The following PATJ variants were observed in gnomAD, a reference collection of about 807,000 sequenced individuals.
PATJ encodes the protein inaD-like protein.
PATJ carries 190 observed loss-of-function variants against 224.9 expected under a neutral mutation model. That is an observed-to-expected ratio of 0.84 (90% CI 0.75 to 0.95). The LOEUF (loss-of-function observed/expected upper bound fraction) is 0.95, where lower values mean the gene tolerates loss of function less well. PATJ is among the 40% of genes least tolerant of loss of function. PATJ has a pLI of 0.00. For missense variants in PATJ, 2,121 were observed against 2,270.3 expected, an observed-to-expected ratio of 0.93 and a Z score of 1.34; for synonymous variants, 769 against 820.3, an observed-to-expected ratio of 0.94 and a Z score of 1.07.
chr1:61,871,425 A>G (rs1396499641), intron 20 of PATJ, among the ~76,000 whole-genome samples: 4 of 46,918 alleles, frequency 8.5e-5, no homozygotes, highest in South Asian at 1.7e-3. Flanking sequence ...ATATATATGT[A>G]CATATATATG....
In PATJ at chr1:61,861,579, T is replaced by C. The variant is rs1221358520; in HGVS notation, c.2351T>C (p.Ile784Thr). Residue 784 changes from isoleucine (I) to threonine (T), a missense_variant, in exon 19 of 44, where the codon ATT becomes ACT. Physicochemically the swap from Ile to Thr is moderately conservative, Grantham distance 89. Coordinates refer to ENST00000642238, the MANE Select transcript of PATJ (RefSeq NM_001350145.3). ...VEDNEEESCYILHSSSNEDKT... is the reference protein window; with the variant it reads ...VEDNEEESCYTLHSSSNEDKT... ...GATAATGAAGAAGAAAGTTGTTATA[T>C]TTTACATTCAAGCAGTAATGAAGAC... 1.4e-6 allele frequency: 2 copies of C among 1,446,908 alleles called. No homozygotes were observed. Among genetic ancestry groups the C allele is most frequent in the Middle Eastern group, 1.7e-4 (1 of 5,722 alleles). The allele number at this position is 1,446,908 out of a possible 1,614,324, so 89.6% of individuals were successfully genotyped here.
chr1:62,061,113 T>G (rs190868699), intron 31 of PATJ, among the ~76,000 whole-genome samples: 1 of 152,216 alleles, frequency 6.6e-6, no homozygotes, highest in East Asian at 1.9e-4. Context: ...GTAGGTAGTT[T>G]TTCAGCCTTC....
chr1:62,046,553 C>T (rs566530789), intron 30 of PATJ, among the ~76,000 whole-genome samples: 1 of 152,104 alleles, frequency 6.6e-6, no homozygotes, highest in Non-Finnish European at 1.5e-5. Context: ...TAAAACAGAC[C>T]TAGGGTGAAA....
In PATJ at chr1:62,153,573, A is replaced by C. The variant is rs901698095; in HGVS notation, c.5502+92A>C. On this transcript the variant is annotated intron_variant, in intron 43 of 43. Transcript: ENST00000642238. ...TTTGCTTTGCTTTACTTTGGGTCAAACCTGGATGTGTGCATGTATGCTCAT... is the reference window on the plus strand; with the variant it reads ...TTTGCTTTGCTTTACTTTGGGTCAACCCTGGATGTGTGCATGTATGCTCAT... 4.8e-5 allele frequency: 36 copies of C among 752,408 alleles called. No individual in the cohort carries two copies. The African/African-American group carries it at 6.0e-4, about 13-fold the overall frequency. 46.6% of individuals were successfully genotyped at this position (752,408 alleles called of 1,614,324 possible).
chr1:62,011,050 G>C (rs906117631), intron 28 of PATJ, among the ~76,000 whole-genome samples: 1 of 152,220 alleles, frequency 6.6e-6, no homozygotes, highest in Non-Finnish European at 1.5e-5. Context: ...CTTTGGATTA[G>C]GCTTTTGCTT....
chr1:62,156,313 T>C (rs1388340678), intron 43 of PATJ, among the ~76,000 whole-genome samples: 3 of 151,830 alleles, frequency 2.0e-5, no homozygotes, highest in African/African-American at 7.3e-5. Flanking sequence ...GCTGATCACT[T>C]GAGGTCAGGA....
chr1:62,033,685 G>A (rs1334359564), intron 29 of PATJ, among the ~76,000 whole-genome samples: 4 of 152,100 alleles, frequency 2.6e-5, no homozygotes, highest in African/African-American at 9.7e-5. Context: ...CCTTACATGA[G>A]GTAAATACTG....
intron 14 of PATJ, among the ~76,000 whole-genome samples, chr1:61,819,839 C>T (rs57477650): frequency 0.012 from 1,853 of 152,226 alleles, 40 homozygotes; most frequent in African/African-American, 0.042. Context: ...CCAAACCAAG[C>T]ACTTCATGTG....
intron 27 of PATJ, among the ~76,000 whole-genome samples, chr1:61,984,286 G>A (rs995645044): frequency 2.0e-5 from 3 of 151,012 alleles, no homozygotes; most frequent in African/African-American, 7.3e-5. Context: ...TTAGCCTCCC[G>A]ATTAGCTGGG....
At chr1:61,753,140 A>AC (rs1645424747) in intron 1 of PATJ, among the ~76,000 whole-genome samples, 1 of 152,210 alleles carries the variant, frequency 6.6e-6, no homozygotes, top group African/African-American at 2.4e-5. Flanking sequence ...CAATTTTTGA[A>AC]AAACTTCAGA....
At position 61,801,604 on chromosome 1, in the gene PATJ, T is replaced by A. The variant is rs899697556; in HGVS notation, c.1403-19T>A. The A allele has an allele frequency of 1.4e-6, 2 of 1,438,888 alleles. No individual in the cohort carries two copies. Among genetic ancestry groups the A allele is most frequent in the African/African-American group, 1.4e-5 (1 of 69,406 alleles). The allele number at this position is 1,438,888 out of a possible 1,614,324, so 89.1% of individuals were successfully genotyped here. A position where few individuals can be genotyped will look rare whatever the true frequency, so the allele number is the denominator to read the frequency against. ...TTAGCATTAACAAAATTTTAAAAAA[T>A]TATTTTTTTTTGTTTTAGGAACTGT... On this transcript the variant is annotated intron_variant, in intron 11 of 43. Coordinates refer to ENST00000642238, the MANE Select transcript of PATJ (RefSeq NM_001350145.3).
chr1:62,137,698 G>T (rs1253077691), intron 41 of PATJ, among the ~76,000 whole-genome samples: 1 of 100,798 alleles, frequency 9.9e-6, no homozygotes, highest in Non-Finnish European at 1.9e-5. Flanking sequence ...TTTGTGGGGG[G>T]AACACAGATT....
chr1:61,825,232 T>A (rs774626860), intron 15 of PATJ, among the ~76,000 whole-genome samples: 2 of 152,162 alleles, frequency 1.3e-5, no homozygotes, highest in Non-Finnish European at 2.9e-5. Flanking sequence ...ACAGGCTATA[T>A]GGGCTGGGAT....
At chr1:62,032,134 T>C (rs1452044110) in intron 29 of PATJ, among the ~76,000 whole-genome samples, 1 of 152,120 alleles carries the variant, frequency 6.6e-6, no homozygotes, top group Admixed American at 6.6e-5. Context: ...GTCAAGGCGT[T>C]GGTCAGGCTG....
intron 21 of PATJ, 113 bp from the exon 22 acceptor site, chr1:61,884,124 G>T: frequency 1.7e-6 from 1 of 595,416 alleles, no homozygotes; most frequent in South Asian, 4.1e-5. Context: ...AATATTTTCA[G>T]TCTCCTACCT....
chr1:62,013,366 G>C (rs2148344521), intron 28 of PATJ: 1 of 985,326 alleles, frequency 1.0e-6, no homozygotes, highest in East Asian at 1.1e-4. Flanking sequence ...TGGAGCCCAT[G>C]TTAGTGAAAG....
At chr1:62,085,031 G>A (rs1281028742) in intron 33 of PATJ, among the ~76,000 whole-genome samples, 1 of 152,214 alleles carries the variant, frequency 6.6e-6, no homozygotes, top group Admixed American at 6.5e-5. Flanking sequence ...GGAGGCTGAG[G>A]CAGGCAGATT....
chr1:61,835,496 T>TG (rs1433280460), intron 17 of PATJ, among the ~76,000 whole-genome samples: 6 of 152,262 alleles, frequency 3.9e-5, no homozygotes, highest in African/African-American at 1.4e-4. Flanking sequence ...CTCTGCCTCC[T>TG]GGGTTCAAGT....
chr1:61,871,485 G>GTGTATATATGTATATACACA (rs1666519745), intron 20 of PATJ, among the ~76,000 whole-genome samples: 1 of 100,182 alleles, frequency 1.0e-5, no homozygotes. Flanking sequence ...ATATATATGT[G>GTGTATATATGTATATACACA]TATATATGTA....
Sources: gnomAD v4.1 joint callset for allele counts (sites outside exome capture counted in the v4.1 genomes callset) on GRCh38, gnomAD v4.1.1 for gene constraint, MANE v1.5 for transcripts, NCBI Gene and HGNC (gene_info 2026-07-23, HGNC 2026-07-21) for gene names.